CXXC1: variants seen among roughly 807,000 people sequenced by gnomAD.
CXXC1 encodes CXXC finger protein 1.
CXXC1 carries 21 observed loss-of-function variants against 83.6 expected under a neutral mutation model. The observed-to-expected ratio is 0.25, with a 90% confidence interval of 0.18 to 0.36. CXXC1 has a LOEUF of 0.36. Among genes scored for constraint, CXXC1 ranks in the 10% least tolerant of loss-of-function variants. The pLI, the probability that CXXC1 is intolerant of heterozygous loss-of-function variation, is 1.00. For missense variants in CXXC1, 688 were observed against 919.5 expected (o/e 0.75, Z 3.26); for synonymous variants, 371 against 337.5 (o/e 1.10, Z -1.09).
rs1159688075 is a variant in CXXC1 at position 50,285,285 on chromosome 18, T to C, written c.667-38A>G. On this transcript the variant is annotated intron_variant, in intron 6 of 14. Transcript: ENST00000285106. The surrounding 1 kb of genome is among the most constrained non-coding windows in gnomAD (Gnocchi z 4.4). ...ATCTCAGGACTGGCCCTGACCGCCC[T>C]GCCCGCATGCCCCACCCCACCCTGG... The C allele has an allele frequency of 1.9e-6, 3 of 1,611,176 alleles. No individual in the cohort carries two copies. In the African/African-American group the frequency reaches 4.0e-5, roughly 22 times the overall value.
At chr18:50,283,641 A>G in intron 11 of CXXC1, 64 bp downstream of exon 11, 1 of 1,607,182 alleles carries the variant, frequency 6.2e-7, no homozygotes, top group South Asian at 1.1e-5. Context: ...CAGACAACAA[A>G]TCTGTCCCCC....
In CXXC1 at chr18:50,286,266, C is replaced by A; in HGVS notation, c.224-9G>T. The A allele has an allele frequency of 6.3e-7, 1 of 1,593,910 alleles. No homozygotes were observed. On this transcript the variant is annotated splice_polypyrimidine_tract_variant and intron_variant, in intron 3 of 14. Transcript: ENST00000285106. ...TAGCTTGGGGTCTTTCTCTGTGGGGCAGAGAGTAGGGCCAAAGTGAGTGAG... is the reference window on the plus strand; with the variant it reads ...TAGCTTGGGGTCTTTCTCTGTGGGGAAGAGAGTAGGGCCAAAGTGAGTGAG...
At position 50,284,183 on chromosome 18, in the gene CXXC1, A is replaced by G. The variant is rs2040675309; in HGVS notation, c.1206-82T>C. ...CAAAATAGACGCAAATGGCAAAAGGAGAAGTAAATAGGTGACTGGCGGAAT... is the reference window on the plus strand; with the variant it reads ...CAAAATAGACGCAAATGGCAAAAGGGGAAGTAAATAGGTGACTGGCGGAAT... On this transcript the variant is annotated intron_variant, in intron 9 of 14. Coordinates refer to ENST00000285106, the MANE Select transcript of CXXC1 (RefSeq NM_014593.4). The G allele has an allele frequency of 3.3e-6, 5 of 1,498,588 alleles. No homozygotes were observed. The South Asian group carries it at 4.6e-5, about 14-fold the overall frequency. 92.8% of individuals were successfully genotyped at this position (1,498,588 alleles called of 1,614,324 possible).
At position 50,285,383 on chromosome 18, in the gene CXXC1, C is replaced by A; in HGVS notation, c.640-32G>T. 1 of 1,566,366 alleles carries A rather than the reference C, an allele frequency of 6.4e-7. No individual in the cohort carries two copies. Among genetic ancestry groups the A allele is most frequent in the South Asian group, 1.2e-5 (1 of 82,836 alleles). ...CGGCAGGAGGAAGGCCCAGGTCAGC[C>A]CCAGGTGGATGGAGGGCGGCCTTGC... On this transcript the variant is annotated intron_variant, in intron 5 of 14. Coordinates refer to ENST00000285106, the MANE Select transcript of CXXC1 (RefSeq NM_014593.4). The surrounding 1 kb of genome is among the most constrained non-coding windows in gnomAD (Gnocchi z 4.4).
Position 50,285,230 on chromosome 18 carries a change from G to A in CXXC1, c.684C>T (p.Pro228=). 6.2e-7 allele frequency: 1 copy of A among 1,614,170 alleles called. No individual in the cohort carries two copies. Residue 228 remains proline (P), a synonymous_variant, in exon 7 of 15, where the codon CCC becomes CCT. Transcript: ENST00000285106. This position sits in a 1 kb window ranked among gnomAD's most constrained non-coding sequence, Gnocchi z 4.4. Reference sequence around the variant, plus strand: ...GGCGGGGCCTTGGCAGGGACTCTGAGGGCGTCACTGGTGAGAGCTGCAGGG... The same window carrying A: ...GGCGGGGCCTTGGCAGGGACTCTGAAGGCGTCACTGGTGAGAGCTGCAGGG... ...YFPSSLSPVT[P]SESLPRPRRP...
rs372739339 is a variant in CXXC1, at chr18:50,285,979, C to T, written c.459+43G>A. The T allele has an allele frequency of 1.4e-5, 22 of 1,613,748 alleles. No homozygotes were observed. Among genetic ancestry groups the T allele is most frequent in the East Asian group, 4.5e-5 (2 of 44,892 alleles). ...ATCATGGACCCAGGCAGGGCTGAAA[C>T]GGAACCACTTTACACATCCATTCAC... On this transcript the variant is annotated intron_variant, in intron 4 of 14. Transcript: ENST00000285106. The surrounding 1 kb of genome is among the most constrained non-coding windows in gnomAD (Gnocchi z 4.4).
chr18:50,283,907 C>T lies in CXXC1; in HGVS notation c.1400G>A (p.Arg467His), dbSNP rs753825708. The part of the protein sequence containing the change: ...IILRAKQQAV[R>H]EDEESNEGDS... ...CTGCTTGCTCACCTCCTCATCCTCG[C>T]GCACAGCCTGCTGCTTGGCACGTAG... Residue 467 changes from arginine (R) to histidine (H), a missense_variant, in exon 10 of 15, where the codon CGC (arginine) becomes CAC (histidine). This residue lies in a region of CXXC1 where 100 missense variants were observed against 142.5 expected (regional missense o/e 0.70). Transcript: ENST00000285106. 17 of 1,613,958 alleles carry T rather than the reference C, an allele frequency of 1.1e-5. No homozygotes were observed. The highest frequency in any genetic ancestry group is 1.3e-5 in the Non-Finnish European group (15 of 1,180,040).
rs1469930021 is a variant in CXXC1 at position 50,282,645 on chromosome 18, G to A, written c.1919C>T (p.Thr640Met). 2 of 1,612,682 alleles carry A rather than the reference G, an allele frequency of 1.2e-6. No individual in the cohort carries two copies. Among genetic ancestry groups the A allele is most frequent in the Admixed American group, 1.7e-5 (1 of 60,020 alleles). Residue 640 changes from threonine (T) to methionine (M), a missense_variant, in exon 15 of 15, where the codon ACG becomes ATG. Physicochemically the swap from Thr to Met is moderately conservative, Grantham distance 81. Around this residue, in one of 9 missense-constraint regions of CXXC1, gnomAD observed 34 missense variants for 27.0 expected, o/e 1.26. Transcript: ENST00000285106. This position sits in a 1 kb window ranked among gnomAD's most constrained non-coding sequence, Gnocchi z 5.8. ...AGLLALMLHQ[T>M]IQHDPLTTDL... is the part of the protein sequence containing the mutation. ...GGTAGTGAGGGGATCGTGCTGGATCGTCTGGTGCAGCATCAGGGCCAGCAA... is the reference window on the plus strand; with the variant it reads ...GGTAGTGAGGGGATCGTGCTGGATCATCTGGTGCAGCATCAGGGCCAGCAA...
rs566912068 is a variant in CXXC1, at chr18:50,284,828, G to A, written c.924C>T (p.Ser308=). 14 of 1,613,874 alleles carry A rather than the reference G, an allele frequency of 8.7e-6. No homozygotes were observed. Among genetic ancestry groups the A allele is most frequent in the Admixed American group, 5.0e-5 (3 of 59,984 alleles). Residue 308 remains serine (S), a synonymous_variant, in exon 8 of 15, where the codon AGC becomes AGT. Coordinates refer to ENST00000285106, the MANE Select transcript of CXXC1 (RefSeq NM_014593.4). The part of the protein sequence containing the change: ...AFDDHGLPWM[S]DTEESPFLDP... ...CCAGGAATGGGGACTCTTCTGTGTC[G>A]CTCATCCAGGGCTGCAAGCAGGGCA... is the stretch of plus-strand genomic sequence containing the variant.
chr18:50,286,736 TC>T lies in CXXC1; in HGVS notation c.122+3del. 6.2e-7 allele frequency: 1 copy of T among 1,612,070 alleles called. No homozygotes were observed. Among genetic ancestry groups the T allele is most frequent in the East Asian group, 2.2e-5 (1 of 44,838 alleles). ...TCAGCCCCGCCCATCTCTCCCGCGC[TC>T]ACATCATGAAGCAGTTGATGTCCGG... On this transcript the variant is annotated splice_donor_region_variant and intron_variant, in intron 2 of 14. Coordinates refer to ENST00000285106, the MANE Select transcript of CXXC1 (RefSeq NM_014593.4).
intron 11 of CXXC1, 69 bp from the exon 12 acceptor site, chr18:50,283,633 G>A: frequency 6.2e-7 from 1 of 1,609,214 alleles, no homozygotes; most frequent in South Asian, 1.1e-5. Flanking sequence ...ACACCACCCA[G>A]ACAACAAATC....
rs1374064379 is a variant in CXXC1 at position 50,285,138 on chromosome 18, C to T, written c.776G>A (p.Gly259Glu). 6.2e-7 allele frequency: 1 copy of T among 1,614,254 alleles called. No homozygotes were observed. The highest frequency in any genetic ancestry group is 8.5e-7 in the Non-Finnish European group (1 of 1,180,048). ...CTTGACTGTTGATGACGCCACTGCCCCCTCATCTTCACGGATGCGCCCTAA... is the reference window on the plus strand; with the variant it reads ...CTTGACTGTTGATGACGCCACTGCCTCCTCATCTTCACGGATGCGCCCTAA... Reference protein sequence around the residue: ...QKLGRIREDEGAVASSTVKEP... With the variant: ...QKLGRIREDEEAVASSTVKEP... The change falls in exon 7 of 15, where the codon GGG becomes GAG. Residue 259 changes from glycine to glutamate, a missense_variant. Gly to Glu is a moderately conservative substitution (Grantham distance 98). Around this residue, in one of 9 missense-constraint regions of CXXC1, gnomAD observed 190 missense variants for 199.7 expected, o/e 0.95. Coordinates refer to ENST00000285106, the MANE Select transcript of CXXC1 (RefSeq NM_014593.4). The surrounding 1 kb of genome is among the most constrained non-coding windows in gnomAD (Gnocchi z 4.4).
intron 7 of CXXC1, 62 bp from the exon 8 acceptor site, chr18:50,284,901 T>C: frequency 6.2e-7 from 1 of 1,613,072 alleles, no homozygotes; most frequent in Non-Finnish European, 8.5e-7. Context: ...CACCTACTCA[T>C]GTCCCATATC....
In CXXC1 at chr18:50,282,962, G is replaced by T. The variant is rs373713303; in HGVS notation, c.1716C>A (p.Val572=). ...GGCAGAAGTCACCCGTGAGCTCAAA[G>T]ACATCACGTACAAGGGGGCACCCGC... ...EVCGCPLVRD[V]FELTGDFCRL... is the part of the protein sequence containing the mutation. The change falls in exon 14 of 15, where the codon GTC becomes GTA. Residue 572 remains valine (V), a synonymous_variant. Coordinates refer to ENST00000285106, the MANE Select transcript of CXXC1 (RefSeq NM_014593.4). The surrounding 1 kb of genome is among the most constrained non-coding windows in gnomAD (Gnocchi z 5.8). 3 of 1,614,040 alleles carry T rather than the reference G, an allele frequency of 1.9e-6. No individual in the cohort carries two copies. In the African/African-American group the frequency reaches 4.0e-5, roughly 22 times the overall value.
chr18:50,283,023 T>C lies in CXXC1; in HGVS notation c.1672-17A>G. ...AGCTGGCACCTGCAAGGAGGCCAGGTTGGGGGGATGAATAGCGGTGATAAG... is the reference window on the plus strand; with the variant it reads ...AGCTGGCACCTGCAAGGAGGCCAGGCTGGGGGGATGAATAGCGGTGATAAG... On this transcript the variant is annotated splice_polypyrimidine_tract_variant and intron_variant, in intron 13 of 14. Coordinates refer to ENST00000285106, the MANE Select transcript of CXXC1 (RefSeq NM_014593.4). 6.2e-7 allele frequency: 1 copy of C among 1,612,216 alleles called. No individual in the cohort carries two copies. The highest frequency in any genetic ancestry group is 8.5e-7 in the Non-Finnish European group (1 of 1,179,634).
rs1356400213 is a variant in CXXC1, at chr18:50,285,955, T to C, written c.460-27A>G. ...TGCAGGAGGGGGCCCAGAACAGAAA[T>C]CATGGACCCAGGCAGGGCTGAAACG... On this transcript the variant is annotated intron_variant, in intron 4 of 14. Coordinates refer to ENST00000285106, the MANE Select transcript of CXXC1 (RefSeq NM_014593.4). The surrounding 1 kb of genome is among the most constrained non-coding windows in gnomAD (Gnocchi z 4.4). The C allele has an allele frequency of 1.2e-6, 2 of 1,613,860 alleles. No individual in the cohort carries two copies. The highest frequency in any genetic ancestry group is 8.5e-7 in the Non-Finnish European group (1 of 1,179,990).
rs761980918 is a variant in CXXC1 at position 50,286,446 on chromosome 18, G to A, written c.223+93C>T. On this transcript the variant is annotated intron_variant, in intron 3 of 14. Coordinates refer to ENST00000285106, the MANE Select transcript of CXXC1 (RefSeq NM_014593.4). The stretch of plus-strand genomic sequence containing the variant: ...TGGAGCCCCATTCCAGCTCACCACA[G>A]ACGTGTATCACTAATCCCCATAACC... 3.4e-6 allele frequency: 4 copies of A among 1,159,596 alleles called. No homozygotes were observed. In the African/African-American group the frequency reaches 4.5e-5, roughly 13 times the overall value. The allele number at this position is 1,159,596 out of a possible 1,614,324, so 71.8% of individuals were successfully genotyped here.
At position 50,286,012 on chromosome 18, in the gene CXXC1, A is replaced by G. The variant is rs1461275731; in HGVS notation, c.459+10T>C. 6.2e-7 allele frequency: 1 copy of G among 1,613,744 alleles called. No homozygotes were observed. The highest frequency in any genetic ancestry group is 1.7e-5 in the Admixed American group (1 of 60,020). On this transcript the variant is annotated intron_variant, in intron 4 of 14. Coordinates refer to ENST00000285106, the MANE Select transcript of CXXC1 (RefSeq NM_014593.4). The stretch of plus-strand genomic sequence containing the variant: ...CTTTACACATCCATTCACTTTATGC[A>G]GCCACTCACCTGGCTGGGTGTGGCC...
At chr18:50,283,837 A>G in intron 10 of CXXC1, 22 bp from the exon 11 acceptor site, 2 of 1,614,026 alleles carry the variant, frequency 1.2e-6, no homozygotes, top group East Asian at 2.2e-5. Flanking sequence ...GGAAGGAACA[A>G]TAAGGCTGGG....
Sources: allele counts gnomAD v4.1 joint callset, GRCh38; gene constraint gnomAD v4.1.1; regional missense constraint gnomAD v4.1.1; non-coding constraint Gnocchi (gnomAD v3.1); transcripts MANE v1.5; gene names NCBI Gene and HGNC (gene_info 2026-07-23, HGNC 2026-07-21).